CSMD1: variants seen among roughly 807,000 people sequenced by gnomAD.
CSMD1 encodes CUB and sushi domain-containing protein 1.
A neutral mutation model predicts 417.5 loss-of-function variants in CSMD1; 213 were observed. That is an observed-to-expected ratio of 0.51 (90% CI 0.46 to 0.57). CSMD1 has a LOEUF of 0.57. CSMD1 is among the 20% of genes least tolerant of loss of function. The pLI is 0.00. For missense variants in CSMD1, 6,923 were observed against 4,529.7 expected, an observed-to-expected ratio of 1.53 and a Z score of -15.17; for synonymous variants, 2,862 against 1,736.8, an observed-to-expected ratio of 1.65 and a Z score of -16.11.
At chr8:3,851,651 T>C (rs1056341196) in intron 5 of CSMD1, among the ~76,000 whole-genome samples, 2 of 151,676 alleles carry the variant, frequency 1.3e-5, no homozygotes, top group Middle Eastern at 3.2e-3. Context: ...CTTTAGGTGA[T>C]AGACAATAAG....
intron 3 of CSMD1, among the ~76,000 whole-genome samples, chr8:4,275,583 TA>T (rs1796439853): frequency 6.6e-6 from 1 of 152,132 alleles, no homozygotes; most frequent in South Asian, 2.1e-4. Context: ...TTGGCATAGA[TA>T]AAAGGTAATA....
intron 3 of CSMD1, among the ~76,000 whole-genome samples, chr8:4,196,255 G>T (rs948714023): frequency 1.3e-5 from 2 of 152,132 alleles, no homozygotes; most frequent in African/African-American, 4.8e-5. Flanking sequence ...CGTCTGCTGT[G>T]TCAAGCCACT....
chr8:4,768,633 G>A (rs140037739), intron 1 of CSMD1, among the ~76,000 whole-genome samples: 4 of 152,238 alleles, frequency 2.6e-5, no homozygotes, highest in Admixed American at 6.5e-5. Context: ...CGTGGAAGGG[G>A]TGATACCCGC....
At chr8:4,874,022 A>T (rs368981741) in intron 1 of CSMD1, among the ~76,000 whole-genome samples, 1 of 152,174 alleles carries the variant, frequency 6.6e-6, no homozygotes, top group East Asian at 1.9e-4. Context: ...TCGCATGATT[A>T]GTCTATCATC....
intron 1 of CSMD1, among the ~76,000 whole-genome samples, chr8:4,670,620 A>C (rs1020220649): frequency 1.3e-5 from 2 of 152,198 alleles, no homozygotes; most frequent in African/African-American, 4.8e-5. Flanking sequence ...GCATTTTGAT[A>C]ATATCACTAT....
intron 12 of CSMD1, among the ~76,000 whole-genome samples, chr8:3,442,468 T>C (rs775056867): frequency 1.3e-5 from 2 of 152,238 alleles, no homozygotes; most frequent in African/African-American, 4.8e-5. Flanking sequence ...GTTTTTACTG[T>C]ACCTTTTGTA....
rs369844180 is a variant in CSMD1 at position 4,420,083 on chromosome 8, G to C, written c.303-18C>G. The C allele has an allele frequency of 5.0e-4, 756 of 1,506,388 alleles. 1 individual carries two copies. Among genetic ancestry groups the C allele is most frequent in the Non-Finnish European group, 6.5e-4 (720 of 1,107,270 alleles). 93.3% of individuals were successfully genotyped at this position (1,506,388 alleles called of 1,614,324 possible). ...CCGATAATCTAAATTTAAAAGACAA[G>C]ACACAAAGAGAGTTAAAAGCATGAA... On this transcript the variant is annotated intron_variant, in intron 2 of 69. Coordinates refer to ENST00000635120, the MANE Select transcript of CSMD1 (RefSeq NM_033225.6).
intron 2 of CSMD1, among the ~76,000 whole-genome samples, chr8:4,443,431 T>C (rs375769177): frequency 1.8e-4 from 28 of 152,350 alleles, no homozygotes; most frequent in African/African-American, 5.5e-4. Context: ...TTATTCATTA[T>C]TCAACAACAC....
intron 2 of CSMD1, among the ~76,000 whole-genome samples, chr8:4,431,314 C>T (rs193030800): frequency 7.8e-4 from 118 of 152,130 alleles, no homozygotes; most frequent in African/African-American, 2.8e-3. Flanking sequence ...ATTTTTACTT[C>T]GTGATTTTCT....
chr8:4,312,054 G>C (rs560741825), intron 3 of CSMD1, among the ~76,000 whole-genome samples: 1 of 152,048 alleles, frequency 6.6e-6, no homozygotes, highest in African/African-American at 2.4e-5. Flanking sequence ...GTCATTTCTA[G>C]CTAGTAAAGA....
chr8:4,636,157 G>T (rs1402805339), intron 2 of CSMD1, among the ~76,000 whole-genome samples: 1 of 151,898 alleles, frequency 6.6e-6, no homozygotes. Context: ...ATTCTTGTGT[G>T]TATTACTGTT....
intron 2 of CSMD1, among the ~76,000 whole-genome samples, chr8:4,549,162 A>T (rs1319899778): frequency 6.6e-6 from 1 of 152,076 alleles, no homozygotes; most frequent in Admixed American, 6.6e-5. Flanking sequence ...ACACAGACTG[A>T]CTCAAGGGAT....
chr8:3,336,552 A>C (rs777630107), intron 23 of CSMD1, among the ~76,000 whole-genome samples: 1 of 152,202 alleles, frequency 6.6e-6, no homozygotes, highest in Non-Finnish European at 1.5e-5. Context: ...GTTGGGATTG[A>C]ACAGAGTAAG....
intron 12 of CSMD1, among the ~76,000 whole-genome samples, chr8:3,463,581 G>C (rs560628599): frequency 4.9e-4 from 75 of 152,292 alleles, no homozygotes; most frequent in African/African-American, 1.8e-3. Flanking sequence ...TGCTCACAAG[G>C]ACAGGGGCAT....
intron 1 of CSMD1, among the ~76,000 whole-genome samples, chr8:4,912,135 A>AAAAGAAAAAAAG (rs1554518071): frequency 8.6e-5 from 10 of 115,612 alleles, no homozygotes; most frequent in African/African-American, 2.6e-4. Flanking sequence ...AAAAAAAAAA[A>AAAAGAAAAAAAG]AAAAAAGAAA....
At chr8:4,569,261 G>C (rs1461270239) in intron 2 of CSMD1, among the ~76,000 whole-genome samples, 1 of 152,076 alleles carries the variant, frequency 6.6e-6, no homozygotes, top group African/African-American at 2.4e-5. Flanking sequence ...TTCTTCTAGG[G>C]TTTTTATGGT....
chr8:4,067,023 G>A (rs1322651221), intron 3 of CSMD1, among the ~76,000 whole-genome samples: 1 of 152,230 alleles, frequency 6.6e-6, no homozygotes, highest in South Asian at 2.1e-4. Context: ...TGAGCTCTTA[G>A]TTTTGTGTAT....
At chr8:3,777,569 G>A (rs1019347556) in intron 5 of CSMD1, among the ~76,000 whole-genome samples, 23 of 152,140 alleles carry the variant, frequency 1.5e-4, no homozygotes, top group Non-Finnish European at 7.4e-5. Flanking sequence ...CTAGTCCACA[G>A]GAGACAAGCT....
Position 3,221,640 on chromosome 8 carries a change from C to T in CSMD1, c.4484+2089G>A, listed in dbSNP as rs1427431931. Among the ~76,000 whole-genome samples the T allele has an allele frequency of 2.0e-5, 3 of 151,928 alleles. No individual in the cohort carries two copies. In the East Asian group the frequency reaches 5.8e-4, roughly 29 times the overall value. On this transcript the variant is annotated intron_variant, in intron 28 of 69. Coordinates refer to ENST00000635120, the MANE Select transcript of CSMD1 (RefSeq NM_033225.6). ...TAGAAGTCTGGAGTGAAATTTATAA[C>T]TAATTTTGGCTCCTTTGGAGAACTC...
Sources: allele counts gnomAD v4.1 joint callset (sites outside exome capture counted in the v4.1 genomes callset), GRCh38; gene constraint gnomAD v4.1.1; transcripts MANE v1.5; gene names NCBI Gene and HGNC (gene_info 2026-07-23, HGNC 2026-07-21).